ZPBP: variants seen among roughly 807,000 people sequenced by gnomAD.
The protein encoded by ZPBP is zona pellucida binding protein.
In ZPBP, 26 loss-of-function variants were observed where a neutral mutation model predicts 44.8. That is an observed-to-expected ratio of 0.58 (90% confidence interval 0.43 to 0.81). The LOEUF is 0.81. Ranked by LOEUF, ZPBP falls within the 30% of genes least tolerant of loss-of-function variation. The probability of loss-of-function intolerance (pLI) is 0.00; values close to 1 mark genes in which losing one functional copy is unlikely to be tolerated. For missense variants in ZPBP, 409 were observed against 434.0 expected (o/e 0.94, Z 0.51); for synonymous variants, 174 against 153.2 (o/e 1.14, Z -1.00).
At chr7:49,911,944 CACAT>C in intron 1 of ZPBP, 6 of 1,039,370 alleles carry the variant, frequency 5.8e-6, no homozygotes, top group East Asian at 6.0e-5. Flanking sequence ...CACACACACA[CACAT>C]ATATATACTG....
chr7:49,940,887 A>G, intron 7 of ZPBP: 1 of 638,082 alleles, frequency 1.6e-6, no homozygotes, highest in Non-Finnish European at 2.0e-6. Flanking sequence ...ACAAAGGGGA[A>G]CATAGGTGGG....
At chr7:50,052,351 T>G (rs896850269) in intron 4 of ZPBP, among the ~76,000 whole-genome samples, 3 of 152,158 alleles carry the variant, frequency 2.0e-5, no homozygotes, top group Admixed American at 1.3e-4. Flanking sequence ...TAAAATATAT[T>G]TAATACATCA....
chr7:50,062,393 C>G (rs1243727726), intron 3 of ZPBP, among the ~76,000 whole-genome samples: 1 of 152,042 alleles, frequency 6.6e-6, no homozygotes. Context: ...AAGAGCAAAG[C>G]CAGAGGTAAC....
Position 50,037,789 on chromosome 7 carries a change from C to G in ZPBP, c.488-6479G>C, listed in dbSNP as rs556091962. 8.5e-5 allele frequency among the ~76,000 whole-genome samples: 13 copies of G among 152,268 alleles called. No homozygotes were observed. In the East Asian group the frequency reaches 2.5e-3, roughly 29 times the overall value. On this transcript the variant is annotated intron_variant, in intron 4 of 7. Transcript: ENST00000046087. ...GCTCCCTTCCTCCCTCCCCTCAGCT[C>G]AAGGAGAGAGACACTCCATTCCAGA...
chr7:49,990,427 T>A (rs1797512413), intron 6 of ZPBP, among the ~76,000 whole-genome samples: 1 of 152,150 alleles, frequency 6.6e-6, no homozygotes. Context: ...ATGCCTCACT[T>A]TCTCGTCCTC....
intron 2 of ZPBP, among the ~76,000 whole-genome samples, chr7:49,877,611 A>G (rs1431714071): frequency 6.9e-6 from 1 of 144,366 alleles, no homozygotes; most frequent in Non-Finnish European, 1.5e-5. Context: ...TGGATGGACC[A>G]AATTTGGTCT....
chr7:49,937,862 A>G (rs995264611), intron 7 of ZPBP, among the ~76,000 whole-genome samples: 2 of 152,152 alleles, frequency 1.3e-5, no homozygotes, highest in African/African-American at 4.8e-5. Context: ...ACTAATCTAC[A>G]TACCTCGTGT....
At chr7:49,908,960 C>T (rs1793252120) in intron 1 of ZPBP, among the ~76,000 whole-genome samples, 1 of 152,194 alleles carries the variant, frequency 6.6e-6, no homozygotes, top group Admixed American at 6.5e-5. Flanking sequence ...AAACTCATTA[C>T]AAGTGACTGT....
At chr7:49,958,260 T>A (rs565645002) in intron 7 of ZPBP, among the ~76,000 whole-genome samples, 49 of 152,300 alleles carry the variant, frequency 3.2e-4, no homozygotes, top group African/African-American at 8.9e-4. Flanking sequence ...AACATTTCAG[T>A]TGATGCTGAA....
At chr7:50,071,343 T>C (rs1424343246) in intron 3 of ZPBP, among the ~76,000 whole-genome samples, 1 of 152,108 alleles carries the variant, frequency 6.6e-6, no homozygotes, top group Non-Finnish European at 1.5e-5. Flanking sequence ...GAATCATCGA[T>C]CCCAGCAATA....
At chr7:49,877,499 T>TATATATATATATATATAG (rs1791483774) in intron 2 of ZPBP, among the ~76,000 whole-genome samples, 1 of 87,926 alleles carries the variant, frequency 1.1e-5, no homozygotes, top group Non-Finnish European at 2.4e-5. Flanking sequence ...TATATATATA[T>TATATATATATATATATAG]ATATATATAT....
intron 3 of ZPBP, among the ~76,000 whole-genome samples, chr7:50,059,054 C>A (rs1057359612): frequency 6.6e-6 from 1 of 152,176 alleles, no homozygotes; most frequent in African/African-American, 2.4e-5. Flanking sequence ...AGCTATAAAT[C>A]TGTTATTCTG....
In ZPBP at chr7:50,053,529, T is replaced by C. The variant is rs563163429; in HGVS notation, c.487+4460A>G. ...TGTGAAAATGGTTACATTATTTCCT[T>C]AGCTTTGTTTGTTGGAGACGAAGAA... On this transcript the variant is annotated intron_variant, in intron 4 of 7. Transcript: ENST00000046087. Among the ~76,000 whole-genome samples, 11 of 152,352 alleles carry C rather than the reference T, an allele frequency of 7.2e-5. No homozygotes were observed. In the East Asian group the frequency reaches 2.1e-3, roughly 29 times the overall value.
intron 2 of ZPBP, among the ~76,000 whole-genome samples, chr7:50,084,594 G>A (rs1170368399): frequency 2.0e-5 from 3 of 151,578 alleles, no homozygotes; most frequent in African/African-American, 4.8e-5. Context: ...AGAAATGGTG[G>A]GCACAAAAAA....
intron 5 of ZPBP, among the ~76,000 whole-genome samples, chr7:50,030,700 A>G (rs1799567850): frequency 6.6e-6 from 1 of 152,136 alleles, no homozygotes; most frequent in African/African-American, 2.4e-5. Context: ...GTTTTCCAGA[A>G]AACACTGGGC....
intron 6 of ZPBP, among the ~76,000 whole-genome samples, chr7:49,990,684 G>A (rs1433669904): frequency 6.6e-6 from 1 of 151,930 alleles, no homozygotes; most frequent in Non-Finnish European, 1.5e-5. Flanking sequence ...AACTGTTACT[G>A]TTTCAACAAT....
At chr7:49,924,767 C>A (rs565167567) in intron 1 of ZPBP, among the ~76,000 whole-genome samples, 1 of 152,240 alleles carries the variant, frequency 6.6e-6, no homozygotes, top group African/African-American at 2.4e-5. Flanking sequence ...TGACATAATA[C>A]AACAAACAAC....
rs185954930 is a variant in ZPBP, at chr7:49,909,995, G to A, written n.412-8780C>T. On this transcript the variant is annotated intron_variant and non_coding_transcript_variant, in intron 1 of 2. Coordinates refer to the ZPBP transcript ENST00000465922. ...GTGGTGGTGTGCTCCTCTGATCAGAGCTACTCAGGAGGCTAAGGTGGGAGG... is the reference window on the plus strand; with the variant it reads ...GTGGTGGTGTGCTCCTCTGATCAGAACTACTCAGGAGGCTAAGGTGGGAGG... Among the ~76,000 whole-genome samples, 393 of 152,052 alleles carry A rather than the reference G, an allele frequency of 2.6e-3. 1 individual carries two copies. Among genetic ancestry groups the A allele is most frequent in the Middle Eastern group, 0.017 (5 of 294 alleles).
intron 2 of ZPBP, among the ~76,000 whole-genome samples, chr7:49,878,289 G>C (rs1164008834): frequency 6.6e-6 from 1 of 152,122 alleles, no homozygotes; most frequent in African/African-American, 2.4e-5. Context: ...CAGTCACTGA[G>C]ATCTGCTCAC....
Sources: allele counts gnomAD v4.1 joint callset (sites outside exome capture counted in the v4.1 genomes callset), GRCh38; gene constraint gnomAD v4.1.1; transcripts MANE v1.5; gene names NCBI Gene and HGNC (gene_info 2026-07-23, HGNC 2026-07-21).